Variants in ANKRD36C observed in about 807,000 individuals in gnomAD.
ANKRD36C encodes ankyrin repeat domain 36C.
A neutral mutation model predicts 276.4 loss-of-function variants in ANKRD36C; 61 were observed. The ratio of observed to expected loss-of-function variants is 0.22; its 90% confidence interval spans 0.18 to 0.27. ANKRD36C has a LOEUF of 0.27. Ranked by LOEUF, ANKRD36C falls within the 10% of genes least tolerant of loss-of-function variation. The probability of loss-of-function intolerance (pLI) is 1.00; values close to 1 mark genes in which losing one functional copy is unlikely to be tolerated. For missense variants in ANKRD36C, 1,447 were observed against 2,032.3 expected, an observed-to-expected ratio of 0.71 and a Z score of 5.54; for synonymous variants, 483 against 680.1, an observed-to-expected ratio of 0.71 and a Z score of 4.51.
chr2:95,915,627 T>C (rs1452978632), intron 38 of ANKRD36C, among the ~76,000 whole-genome samples: 1 of 151,510 alleles, frequency 6.6e-6, no homozygotes, highest in Non-Finnish European at 1.5e-5. Context: ...TTTTTAGCCC[T>C]ATGATGTGAC....
rs555846532 is a variant in ANKRD36C at position 95,919,277 on chromosome 2, A to C, written c.2246-1235T>G. On this transcript the variant is annotated intron_variant, in intron 34 of 66. Transcript: ENST00000456556. ...CCTGACAATCCATCATCCTTGGGAA[A>C]ATAATTGCTACATCAGGGGTCTCCT... is the stretch of plus-strand genomic sequence containing the variant. Among the ~76,000 whole-genome samples the C allele has an allele frequency of 4.2e-4, 56 of 133,648 alleles. 11 individuals carry two copies. Among genetic ancestry groups the C allele is most frequent in the Admixed American group, 1.6e-3 (20 of 12,618 alleles). 87.7% of individuals were successfully genotyped at this position (133,648 alleles called of 152,430 possible). A position where few individuals can be genotyped will look rare whatever the true frequency, so the allele number is the denominator to read the frequency against.
At chr2:95,863,483 T>C (rs1004287621) in intron 60 of ANKRD36C, among the ~76,000 whole-genome samples, 1 of 152,102 alleles carries the variant, frequency 6.6e-6, no homozygotes, top group African/African-American at 2.4e-5. Flanking sequence ...CTCAACTCAG[T>C]CTGTAATGTT....
intron 42 of ANKRD36C, among the ~76,000 whole-genome samples, chr2:95,902,130 C>T (rs1676671475): frequency 6.7e-6 from 1 of 149,690 alleles, no homozygotes. Flanking sequence ...GAGGTAGCTC[C>T]TTGAACAGGG....
At chr2:95,916,368 C>A (rs1326716699) in intron 36 of ANKRD36C, among the ~76,000 whole-genome samples, 197 bp from the exon 39 acceptor site, 2 of 151,428 alleles carry the variant, frequency 1.3e-5, no homozygotes, top group African/African-American at 4.8e-5. Context: ...ATGAAATATA[C>A]CCTTACAATT....
At chr2:95,865,783 G>A (rs1675672700) in intron 60 of ANKRD36C, among the ~76,000 whole-genome samples, 1 of 152,050 alleles carries the variant, frequency 6.6e-6, no homozygotes, top group Admixed American at 6.6e-5. Flanking sequence ...TCAGATTTGG[G>A]ATATTTAAAT....
chr2:95,891,999 G>A (rs568860183), intron 44 of ANKRD36C, 139 bp from the exon 65 acceptor site: 3 of 1,413,730 alleles, frequency 2.1e-6, no homozygotes, highest in Non-Finnish European at 1.9e-6. Context: ...TTGTGTCTGA[G>A]GACTAGAACA....
In ANKRD36C at chr2:95,855,837, A is replaced by C. The variant is rs562706331; in HGVS notation, c.4424T>G (p.Leu1475Arg). 1.3e-4 allele frequency: 204 copies of C among 1,613,892 alleles called. No homozygotes were observed. In the Middle Eastern group the frequency reaches 3.8e-3, roughly 30 times the overall value. Residue 1475 changes from leucine to arginine, a missense_variant, in exon 63 of 67, where the codon CTA (leucine) becomes CGA (arginine). Leu to Arg is a moderately radical substitution (Grantham distance 102). Transcript: ENST00000456556. Reference sequence around the variant, plus strand: ...TGAGTGACTTTGATCATGATCACATAGAGCAGCATTCAGTCTACAACGGTA... The same window carrying C: ...TGAGTGACTTTGATCATGATCACATCGAGCAGCATTCAGTCTACAACGGTA...
chr2:95,950,535 T>C (rs1196164278), intron 16 of ANKRD36C, among the ~76,000 whole-genome samples: 1 of 152,156 alleles, frequency 6.6e-6, no homozygotes, highest in Non-Finnish European at 1.5e-5. Flanking sequence ...CATGAGCCAA[T>C]ATTTCAACCT....
intron 6 of ANKRD36C, among the ~76,000 whole-genome samples, chr2:95,975,052 A>T (rs1395897912): frequency 6.6e-6 from 1 of 152,018 alleles, no homozygotes; most frequent in African/African-American, 2.4e-5. Context: ...CCAGTCTATC[A>T]GTGTTGGACA....
chr2:95,967,178 C>T (rs1267518861), intron 6 of ANKRD36C, among the ~76,000 whole-genome samples: 1 of 152,120 alleles, frequency 6.6e-6, no homozygotes, highest in African/African-American at 2.4e-5. Flanking sequence ...CTGGCCAGAA[C>T]TTCCAATACT....
chr2:95,967,671 A>G (rs1678619927), intron 6 of ANKRD36C, among the ~76,000 whole-genome samples: 1 of 152,004 alleles, frequency 6.6e-6, no homozygotes, highest in Admixed American at 6.6e-5. Context: ...GTGTATATAT[A>G]TATATGTACA....
chr2:95,902,176 T>A (rs1479212982), intron 42 of ANKRD36C, among the ~76,000 whole-genome samples: 4 of 149,862 alleles, frequency 2.7e-5, no homozygotes, highest in African/African-American at 9.8e-5. Flanking sequence ...TATCTCATTT[T>A]TATAACTAAA....
chr2:95,892,340 T>G (rs1352263430), intron 44 of ANKRD36C, among the ~76,000 whole-genome samples: 1 of 151,484 alleles, frequency 6.6e-6, no homozygotes, highest in Non-Finnish European at 1.5e-5. Flanking sequence ...ACAATTCAAT[T>G]GAATGTACCC....
intron 44 of ANKRD36C, among the ~76,000 whole-genome samples, chr2:95,894,028 A>C (rs1214123587): frequency 2.6e-5 from 4 of 151,500 alleles, no homozygotes; most frequent in Admixed American, 2.6e-4. Flanking sequence ...ATGTGATCTA[A>C]AATCAGAGGA....
rs1315301136 is a variant in ANKRD36C, at chr2:95,851,583, G to GA, written c.5313+110dup. ...GGTATATGCAAATATTCCAAAATCT[G>GA]AAAAAAATCTACTTTTGGCCCCAAG... On this transcript the variant is annotated intron_variant, in intron 66 of 66. Transcript: ENST00000456556. 9 of 963,146 alleles carry GA rather than the reference G, an allele frequency of 9.3e-6. 1 individual carries two copies. The highest frequency in any genetic ancestry group is 7.6e-5 in the Admixed American group (3 of 39,358). The allele number at this position is 963,146 out of a possible 1,614,324, so 59.7% of individuals were successfully genotyped here.
intron 64 of ANKRD36C, chr2:95,853,163 G>A (rs1485109977): frequency 6.5e-6 from 1 of 153,990 alleles, no homozygotes; most frequent in South Asian, 2.0e-4. Context: ...AAGGAGTAAC[G>A]ATTTTCATCG....
chr2:95,931,066 T>C lies in ANKRD36C; in HGVS notation c.1736-1799A>G, dbSNP rs1677554606. ...CATTCTTTTTTGTTCATAAATCTAA[T>C]ATCCATATTGGTGGACTTGATTCTT... On this transcript the variant is annotated intron_variant, in intron 24 of 66. Transcript: ENST00000456556. 2.6e-5 allele frequency among the ~76,000 whole-genome samples: 4 copies of C among 151,790 alleles called. No individual in the cohort carries two copies. The South Asian group carries it at 8.3e-4, about 31-fold the overall frequency.
intron 3 of ANKRD36C, among the ~76,000 whole-genome samples, chr2:95,986,382 AT>A (rs1385445315): frequency 2.0e-5 from 3 of 152,170 alleles, no homozygotes; most frequent in Non-Finnish European, 4.4e-5. Context: ...GAAATTTAAA[AT>A]AAAGCCTATT....
chr2:95,855,190 A>C lies in ANKRD36C; in HGVS notation c.4995+76T>G, dbSNP rs552368970. Reference sequence around the variant, plus strand: ...TTTTTTATATTCAACTAGATCCAACATTCAGCTGTAACCAAATATTACTTT... The same window carrying C: ...TTTTTTATATTCAACTAGATCCAACCTTCAGCTGTAACCAAATATTACTTT... On this transcript the variant is annotated intron_variant, in intron 63 of 66. Coordinates refer to ENST00000456556, the Ensembl canonical transcript of ANKRD36C. 2.2e-5 allele frequency: 32 copies of C among 1,472,352 alleles called. No individual in the cohort carries two copies. In the African/African-American group the frequency reaches 4.3e-4, roughly 20 times the overall value. 91.2% of individuals were successfully genotyped at this position (1,472,352 alleles called of 1,614,324 possible).
Sources: allele counts gnomAD v4.1 joint callset (sites outside exome capture counted in the v4.1 genomes callset), GRCh38; gene constraint gnomAD v4.1.1; transcripts MANE v1.5; gene names NCBI Gene and HGNC (gene_info 2026-07-23, HGNC 2026-07-21).